ARK2C: variants seen among roughly 807,000 people sequenced by gnomAD.
The protein encoded by ARK2C is arkadia (RNF111) C-terminal like ring finger ubiquitin ligase 2C.
the ARK2C span, among the ~76,000 whole-genome samples, chr18:46,437,255 T>G: frequency 6.6e-6 from 1 of 152,130 alleles, no homozygotes; most frequent in Non-Finnish European, 1.5e-5. Context: ...TTCTCCTCCC[T>G]TGTAATTAGC....
the ARK2C span, chr18:46,334,257 GC>G: frequency 8.1e-6 from 12 of 1,476,528 alleles, no homozygotes; most frequent in South Asian, 2.6e-5. The surrounding 1 kb of genome is among the most constrained non-coding windows in gnomAD (Gnocchi z 4.4). Context: ...CGCCGCCGCC[GC>G]CGCGCGAGGA....
the ARK2C span, chr18:46,456,133 C>A: frequency 9.5e-7 from 1 of 1,057,288 alleles, no homozygotes; most frequent in Non-Finnish European, 1.4e-6. Flanking sequence ...GTATTGGTGA[C>A]CAATCACTGC....
chr18:46,419,800 A>G, the ARK2C span, among the ~76,000 whole-genome samples: 1 of 152,120 alleles, frequency 6.6e-6, no homozygotes, highest in Non-Finnish European at 1.5e-5. Flanking sequence ...AGCTCCAAGA[A>G]GCCTATAGCT....
the ARK2C span, among the ~76,000 whole-genome samples, chr18:46,356,616 G>T: frequency 6.6e-6 from 1 of 152,164 alleles, no homozygotes; most frequent in Admixed American, 6.5e-5. Context: ...TGAACACACA[G>T]AAGGGAGTAT....
the ARK2C span, among the ~76,000 whole-genome samples, chr18:46,356,869 G>A: frequency 6.6e-6 from 1 of 152,006 alleles, no homozygotes; most frequent in African/African-American, 2.4e-5. Flanking sequence ...CAGGGAAAAC[G>A]GAAACTCCAG....
At chr18:46,404,989 G>A in the ARK2C span, among the ~76,000 whole-genome samples, 145 of 152,250 alleles carry the variant, frequency 9.5e-4, no homozygotes, top group African/African-American at 3.1e-3. Flanking sequence ...CAAAGTCTCT[G>A]TTGTTTCCAC....
the ARK2C span, among the ~76,000 whole-genome samples, chr18:46,354,161 T>A: frequency 1.3e-5 from 2 of 152,250 alleles, no homozygotes; most frequent in Admixed American, 1.3e-4. Flanking sequence ...GCAGTCCCTA[T>A]GTCCAGCGAA....
the ARK2C span, among the ~76,000 whole-genome samples, chr18:46,394,402 G>A: frequency 6.6e-6 from 1 of 152,160 alleles, no homozygotes; most frequent in Non-Finnish European, 1.5e-5. Context: ...TTCACTCTCG[G>A]AGATGACACA....
chr18:46,384,953 G>T, the ARK2C span, among the ~76,000 whole-genome samples: 1 of 152,222 alleles, frequency 6.6e-6, no homozygotes, highest in African/African-American at 2.4e-5. Context: ...ACACACAGCT[G>T]GTTCAGCTCC....
the ARK2C span, among the ~76,000 whole-genome samples, chr18:46,383,885 T>G: frequency 6.6e-6 from 1 of 152,326 alleles, no homozygotes; most frequent in African/African-American, 2.4e-5. Context: ...CGACTAACTT[T>G]ACAGAGTCCA....
the ARK2C span, among the ~76,000 whole-genome samples, chr18:46,452,761 G>A: frequency 0.033 from 5,042 of 152,124 alleles, 252 homozygotes; most frequent in African/African-American, 0.11. Flanking sequence ...GCCAAGGACC[G>A]TCTTCACTCC....
chr18:46,389,533 C>T, the ARK2C span, among the ~76,000 whole-genome samples: 1 of 152,158 alleles, frequency 6.6e-6, no homozygotes, highest in Non-Finnish European at 1.5e-5. Flanking sequence ...AGTCTCCCAC[C>T]CCGGTCTAGA....
the ARK2C span, among the ~76,000 whole-genome samples, chr18:46,347,672 T>A: frequency 6.6e-6 from 1 of 152,108 alleles, no homozygotes; most frequent in Non-Finnish European, 1.5e-5. Flanking sequence ...GGGGCTACAC[T>A]AATTGTTCTA....
the ARK2C span, among the ~76,000 whole-genome samples, chr18:46,347,147 T>G: frequency 6.6e-6 from 1 of 152,194 alleles, no homozygotes; most frequent in Non-Finnish European, 1.5e-5. Flanking sequence ...GAGGAAGAGC[T>G]GTAGCTCTGC....
At chr18:46,433,702 T>C in the ARK2C span, among the ~76,000 whole-genome samples, 1 of 152,330 alleles carries the variant, frequency 6.6e-6, no homozygotes, top group Non-Finnish European at 1.5e-5. Context: ...AGGAAGTAGC[T>C]ATTGTTTCAG....
At chr18:46,379,190 C>T in the ARK2C span, among the ~76,000 whole-genome samples, 3 of 152,300 alleles carry the variant, frequency 2.0e-5, no homozygotes, top group South Asian at 4.1e-4. Context: ...GCTGGAAACG[C>T]TATCATTCTG....
the ARK2C span, among the ~76,000 whole-genome samples, chr18:46,357,191 A>T: frequency 6.6e-6 from 1 of 152,218 alleles, no homozygotes; most frequent in Non-Finnish European, 1.5e-5. Flanking sequence ...CTCGCTGAAT[A>T]GTAAGTTTCT....
At chr18:46,421,379 CAT>C in the ARK2C span, among the ~76,000 whole-genome samples, 3 of 152,166 alleles carry the variant, frequency 2.0e-5, 1 homozygote, top group African/African-American at 7.2e-5. Context: ...TTCATTCATT[CAT>C]TCATTCATTC....
the ARK2C span, among the ~76,000 whole-genome samples, chr18:46,344,678 C>G: frequency 2.6e-5 from 4 of 152,100 alleles, no homozygotes; most frequent in African/African-American, 9.7e-5. Context: ...AGGGACCATA[C>G]CTGCCCCCTC....
Sources: allele counts gnomAD v4.1 joint callset (sites outside exome capture counted in the v4.1 genomes callset), GRCh38; gene constraint gnomAD v4.1.1; non-coding constraint Gnocchi (gnomAD v3.1); transcripts MANE v1.5; gene names NCBI Gene and HGNC (gene_info 2026-07-23, HGNC 2026-07-21).